The following ZPBP variants were observed in gnomAD, a reference collection of about 807,000 sequenced individuals.
ZPBP encodes the protein zona pellucida binding protein.
A neutral mutation model predicts 44.8 loss-of-function variants in ZPBP; 26 were observed. The ratio of observed to expected loss-of-function variants is 0.58; its 90% confidence interval spans 0.43 to 0.81. ZPBP has a LOEUF of 0.81. ZPBP is among the 30% of genes least tolerant of loss of function. The pLI is 0.00. For missense variants in ZPBP, 409 were observed against 434.0 expected (o/e 0.94, Z 0.51); for synonymous variants, 174 against 153.2 (o/e 1.14, Z -1.00).
chr7:50,007,622 T>C (rs890723368), intron 6 of ZPBP, among the ~76,000 whole-genome samples: 2 of 151,890 alleles, frequency 1.3e-5, no homozygotes, highest in Non-Finnish European at 2.9e-5. Flanking sequence ...AATACTGAGA[T>C]AGAAAACTCT....
chr7:50,021,148 T>G (rs1277359106), intron 5 of ZPBP, among the ~76,000 whole-genome samples: 4 of 152,138 alleles, frequency 2.6e-5, no homozygotes, highest in Middle Eastern at 3.4e-3. Flanking sequence ...TATGGCCCAT[T>G]CACAGAGAAC....
At chr7:50,081,546 C>T (rs544473160) in intron 3 of ZPBP, among the ~76,000 whole-genome samples, 35 of 151,692 alleles carry the variant, frequency 2.3e-4, no homozygotes, top group Non-Finnish European at 4.9e-4. Flanking sequence ...ATTATAGATG[C>T]TTTGAGAACC....
At chr7:49,845,833 C>A (rs935410156), downstream of ZPBP, among the ~76,000 whole-genome samples, 7 of 152,202 alleles carry the variant, frequency 4.6e-5, no homozygotes, top group African/African-American at 7.2e-5. Flanking sequence ...GGCAAACAAA[C>A]AGCAATGCAG....
intron 1 of ZPBP, chr7:49,911,917 A>G: frequency 1.4e-6 from 1 of 720,202 alleles, no homozygotes; most frequent in Non-Finnish European, 1.9e-6. Context: ...AAACAAACAA[A>G]TACACGCACA....
intron 6 of ZPBP, among the ~76,000 whole-genome samples, chr7:49,996,190 C>A (rs1797832060): frequency 6.6e-6 from 1 of 152,134 alleles, no homozygotes; most frequent in Non-Finnish European, 1.5e-5. Flanking sequence ...GCTCTAATGG[C>A]TTTCACTTGG....
chr7:49,871,927 A>G (rs938139175), intron 2 of ZPBP, among the ~76,000 whole-genome samples: 3 of 124,620 alleles, frequency 2.4e-5, no homozygotes, highest in Non-Finnish European at 5.1e-5. Flanking sequence ...ACACACACAC[A>G]CACACACACA....
intron 6 of ZPBP, among the ~76,000 whole-genome samples, chr7:50,011,553 C>T (rs1042437606): frequency 1.3e-5 from 2 of 152,118 alleles, no homozygotes; most frequent in African/African-American, 4.8e-5. Context: ...AAACATTACA[C>T]CCAACATCTA....
At chr7:49,981,673 T>C in intron 7 of ZPBP, among the ~76,000 whole-genome samples, 1 of 75,466 alleles carries the variant, frequency 1.3e-5, no homozygotes, top group Non-Finnish European at 2.2e-5. Context: ...ATATATTATA[T>C]ATTATATATA....
intron 7 of ZPBP, among the ~76,000 whole-genome samples, chr7:49,980,003 TTA>T (rs1284011039): frequency 9.1e-5 from 9 of 98,914 alleles, no homozygotes; most frequent in African/African-American, 3.8e-4. Context: ...ATATTATATA[TTA>T]TATATATTAT....
chr7:49,916,167 A>G (rs985476156), intron 1 of ZPBP: 1 of 152,210 alleles, frequency 6.6e-6, no homozygotes, highest in African/African-American at 2.4e-5. Flanking sequence ...TTAGTTTTCT[A>G]AATGTAGATC....
intron 1 of ZPBP, chr7:49,913,604 G>A (rs1443327157): frequency 6.6e-6 from 1 of 152,182 alleles, no homozygotes; most frequent in South Asian, 2.1e-4. Context: ...ACAAAGCATT[G>A]ACAACAAGGG....
At chr7:49,845,993 T>C (rs1412827180), downstream of ZPBP, among the ~76,000 whole-genome samples, 1 of 152,238 alleles carries the variant, frequency 6.6e-6, no homozygotes. Flanking sequence ...GGTACAGTCA[T>C]GATAAAAGAC....
intron 5 of ZPBP, among the ~76,000 whole-genome samples, chr7:50,021,674 A>G (rs939899294): frequency 2.0e-5 from 3 of 152,144 alleles, no homozygotes; most frequent in Non-Finnish European, 4.4e-5. Flanking sequence ...GAATCCACAT[A>G]GGGTAAATAC....
At chr7:50,023,506 CAGAT>C (rs1448177640) in intron 5 of ZPBP, among the ~76,000 whole-genome samples, 1 of 151,918 alleles carries the variant, frequency 6.6e-6, no homozygotes, top group Non-Finnish European at 1.5e-5. Context: ...AAATCCCAGA[CAGAT>C]AAACAGAAAT....
At chr7:49,893,068 T>A (rs1442447117) in intron 2 of ZPBP, among the ~76,000 whole-genome samples, 3 of 152,226 alleles carry the variant, frequency 2.0e-5, no homozygotes, top group Non-Finnish European at 4.4e-5. Context: ...TATTTTTCCT[T>A]TTTTATTCCT....
At chr7:50,005,868 T>TGTGTGTG (rs1798288887) in intron 6 of ZPBP, among the ~76,000 whole-genome samples, 2 of 145,602 alleles carry the variant, frequency 1.4e-5, no homozygotes, top group South Asian at 2.2e-4. Flanking sequence ...TGTGTGTGTG[T>TGTGTGTG]TTTGCCTACA....
intron 7 of ZPBP, among the ~76,000 whole-genome samples, chr7:49,962,518 C>G (rs568930501): frequency 1.3e-3 from 192 of 151,814 alleles, no homozygotes; most frequent in African/African-American, 4.3e-3. Context: ...TATGAAAAGC[C>G]CACAACTAGT....
intron 2 of ZPBP, among the ~76,000 whole-genome samples, chr7:49,872,431 T>C (rs1222193157): frequency 1.3e-5 from 2 of 151,950 alleles, no homozygotes; most frequent in Non-Finnish European, 2.9e-5. Flanking sequence ...TCATAGTATA[T>C]GCAAAAATAA....
intron 2 of ZPBP, among the ~76,000 whole-genome samples, chr7:49,900,796 T>C (rs2128735564): frequency 6.6e-6 from 1 of 151,870 alleles, no homozygotes; most frequent in African/African-American, 2.4e-5. Flanking sequence ...AAACCAGACA[T>C]AGACACTACA....
Sources: allele counts gnomAD v4.1 joint callset (sites outside exome capture counted in the v4.1 genomes callset), GRCh38; gene constraint gnomAD v4.1.1; transcripts MANE v1.5; gene names NCBI Gene and HGNC (gene_info 2026-07-23, HGNC 2026-07-21).